TIPIN: variants seen among roughly 807,000 people sequenced by gnomAD.
TIPIN encodes the protein TIMELESS-interacting protein.
Under a neutral mutation model 35.6 loss-of-function variants are expected in TIPIN, and 29 were observed. That is an observed-to-expected ratio of 0.82 (90% CI 0.61 to 1.11). The LOEUF (loss-of-function observed/expected upper bound fraction) is 1.11. TIPIN is among the 50% of genes most tolerant of loss of function. The pLI, the probability that TIPIN is intolerant of heterozygous loss-of-function variation, is 0.00. For missense variants in TIPIN, 296 were observed against 345.4 expected, an observed-to-expected ratio of 0.86 and a Z score of 1.13; for synonymous variants, 102 against 121.5, an observed-to-expected ratio of 0.84 and a Z score of 1.06.
Position 66,336,679 on chromosome 15 carries a change from A to G in TIPIN, c.*279T>C, listed in dbSNP as rs909716777. ...AAACAAAACCTCCCAACTTAGTGAAAACAAGGCATTCAATGACAGACCAGC... is the reference window on the plus strand; with the variant it reads ...AAACAAAACCTCCCAACTTAGTGAAGACAAGGCATTCAATGACAGACCAGC... On this transcript the variant is annotated 3_prime_UTR_variant, in exon 8 of 8. Transcript: ENST00000261881. 8.1e-6 allele frequency: 3 copies of G among 369,948 alleles called. No homozygotes were observed. Among genetic ancestry groups the G allele is most frequent in the African/African-American group, 6.1e-5 (3 of 49,462 alleles). The allele number at this position is 369,948 out of a possible 1,614,324, so 22.9% of individuals were successfully genotyped here.
At chr15:66,380,087 C>T (rs555188790) in intron 1 of TIPIN, 8 of 379,606 alleles carry the variant, frequency 2.1e-5, no homozygotes, top group Non-Finnish European at 2.9e-5. Flanking sequence ...CTGCAACCTC[C>T]GCCTCTCAGG....
chr15:66,368,862 T>C (rs1265354541), intron 1 of TIPIN, among the ~76,000 whole-genome samples: 2 of 152,172 alleles, frequency 1.3e-5, no homozygotes, highest in East Asian at 3.8e-4. Flanking sequence ...CTATCTACTC[T>C]TTGGCAAGAT....
At chr15:66,363,754 G>A (rs1198852263) in intron 1 of TIPIN, among the ~76,000 whole-genome samples, 1 of 151,640 alleles carries the variant, frequency 6.6e-6, no homozygotes, top group Non-Finnish European at 1.5e-5. Flanking sequence ...AGGCCAAGGT[G>A]GGTGGATCAC....
chr15:66,367,188 A>ATCTATT (rs1425048707), intron 1 of TIPIN, among the ~76,000 whole-genome samples: 2 of 19,864 alleles, frequency 1.0e-4, no homozygotes, highest in Non-Finnish European at 1.8e-4. Context: ...TCAAAAAAAA[A>ATCTATT]TCTATATCTA....
At chr15:66,348,274 G>A (rs1351803772) in intron 6 of TIPIN, 1 of 151,604 alleles carries the variant, frequency 6.6e-6, no homozygotes, top group East Asian at 1.9e-4. Context: ...CCAAAGAACT[G>A]GGGTTGCTCC....
chr15:66,357,064 C>A (rs995590829), upstream of TIPIN, among the ~76,000 whole-genome samples: 1 of 151,986 alleles, frequency 6.6e-6, no homozygotes, highest in Non-Finnish European at 1.5e-5. Context: ...CACCACCACA[C>A]CGAATTTTTG....
rs1367957457 is a variant in TIPIN at position 66,377,359 on chromosome 15, C to T, written c.-9+9248G>A. ...ATGATCTTCTTTTAATTTGTAATTG[C>T]TCTTTTTCTTTTATTTTTATTTTTT... On this transcript the variant is annotated intron_variant, in intron 1 of 7. Transcript: ENST00000562124. Among the ~76,000 whole-genome samples the T allele has an allele frequency of 2.6e-5, 4 of 151,980 alleles. No individual in the cohort carries two copies. The East Asian group carries it at 5.8e-4, about 22-fold the overall frequency.
intron 1 of TIPIN, among the ~76,000 whole-genome samples, chr15:66,370,179 C>T (rs996021012): frequency 8.5e-5 from 13 of 152,056 alleles, no homozygotes; most frequent in African/African-American, 1.9e-4. Context: ...TCTTTCACTG[C>T]GCTATCCAAG....
At chr15:66,338,172 C>T (rs1356424471) in intron 7 of TIPIN, among the ~76,000 whole-genome samples, 7 of 151,402 alleles carry the variant, frequency 4.6e-5, no homozygotes, top group African/African-American at 9.7e-5. Flanking sequence ...AGGAGAATCG[C>T]TTGAACCTAG....
intron 6 of TIPIN, among the ~76,000 whole-genome samples, chr15:66,346,550 C>T (rs894990703): frequency 1.4e-4 from 22 of 152,134 alleles, no homozygotes; most frequent in Admixed American, 1.4e-3. Flanking sequence ...ACACCTACCA[C>T]ACTACTGGCA....
chr15:66,384,059 C>T (rs560734945), intron 1 of TIPIN, among the ~76,000 whole-genome samples: 35 of 152,036 alleles, frequency 2.3e-4, no homozygotes, highest in African/African-American at 8.0e-4. Flanking sequence ...TGCAGTGGCG[C>T]GATCTCGGCT....
chr15:66,381,979 C>A (rs1466845720), intron 1 of TIPIN, among the ~76,000 whole-genome samples: 1 of 152,054 alleles, frequency 6.6e-6, no homozygotes, highest in East Asian at 1.9e-4. Flanking sequence ...GCAGGAGAAC[C>A]GCTTGAACCT....
At chr15:66,352,057 T>G in intron 3 of TIPIN, 72 bp downstream of exon 3, 1 of 1,305,782 alleles carries the variant, frequency 7.7e-7, no homozygotes. Context: ...ACCAAAAGTT[T>G]ATAACATTAG....
chr15:66,371,681 T>A (rs2093278281), intron 1 of TIPIN, among the ~76,000 whole-genome samples: 1 of 151,164 alleles, frequency 6.6e-6, no homozygotes, highest in Non-Finnish European at 1.5e-5. Flanking sequence ...GCCTGGCTAA[T>A]TTTTTTTTGA....
At chr15:66,385,510 G>A (rs916209785) in intron 1 of TIPIN, among the ~76,000 whole-genome samples, 12 of 150,234 alleles carry the variant, frequency 8.0e-5, no homozygotes, top group Non-Finnish European at 1.6e-4. Context: ...TTTTTTTTGA[G>A]ACGGGGTCTC....
chr15:66,375,963 C>T (rs1396679832), intron 1 of TIPIN, among the ~76,000 whole-genome samples: 1 of 151,630 alleles, frequency 6.6e-6, no homozygotes, highest in African/African-American at 2.4e-5. Flanking sequence ...TAGCCAGTCA[C>T]GGCGGCGCAC....
intron 1 of TIPIN, among the ~76,000 whole-genome samples, chr15:66,364,959 T>C (rs1485807855): frequency 1.1e-3 from 1 of 928 alleles, no homozygotes; most frequent in Non-Finnish European, 3.1e-3. Context: ...AGAGTGAAAC[T>C]CCATCTCAAA....
At chr15:66,342,513 G>A (rs913512207) in intron 6 of TIPIN, among the ~76,000 whole-genome samples, 1 of 151,828 alleles carries the variant, frequency 6.6e-6, no homozygotes, top group African/African-American at 2.4e-5. Flanking sequence ...ACAGGCACCC[G>A]CCACCATGCC....
intron 1 of TIPIN, among the ~76,000 whole-genome samples, chr15:66,369,703 T>C (rs1196191010): frequency 6.6e-6 from 1 of 152,176 alleles, no homozygotes; most frequent in Non-Finnish European, 1.5e-5. Flanking sequence ...CATAGTTCAT[T>C]GTTGGAGATG....
Sources: gnomAD v4.1 joint callset for allele counts (sites outside exome capture counted in the v4.1 genomes callset) on GRCh38, gnomAD v4.1.1 for gene constraint, MANE v1.5 for transcripts, NCBI Gene and HGNC (gene_info 2026-07-23, HGNC 2026-07-21) for gene names.